The following TSPEAR variants were observed in gnomAD, a reference collection of about 807,000 sequenced individuals.
The protein encoded by TSPEAR is thrombospondin type laminin G domain and EAR repeats.
Under a neutral mutation model 71.6 loss-of-function variants are expected in TSPEAR, and 69 were observed. The observed-to-expected ratio is 0.96, with a 90% CI of 0.79 to 1.18. TSPEAR has a LOEUF of 1.18. Ranked by LOEUF, TSPEAR falls within the 50% of genes most tolerant of loss-of-function variation. The pLI is 0.00. For synonymous variants in TSPEAR, 402 were observed against 387.2 expected (o/e 1.04, Z -0.45); for missense variants, 971 against 894.9 (o/e 1.09, Z -1.09).
chr21:44,540,030 G>C (rs112631451), intron 2 of TSPEAR: 2 of 1,613,038 alleles, frequency 1.2e-6, no homozygotes. Context: ...GTCAGGCAGG[G>C]GGCCGGGGCG....
intron 1 of TSPEAR, among the ~76,000 whole-genome samples, chr21:44,672,350 C>T (rs113824578): frequency 0.17 from 26,186 of 152,136 alleles, 2,473 homozygotes; most frequent in Non-Finnish European, 0.21. Flanking sequence ...GCGGGCGGAT[C>T]ACAAGGTCAG....
chr21:44,528,942 G>A (rs1441047295), intron 5 of TSPEAR, among the ~76,000 whole-genome samples: 2 of 152,244 alleles, frequency 1.3e-5, no homozygotes, highest in African/African-American at 4.8e-5. Context: ...TGACAGTGGT[G>A]TATCTTAACG....
At chr21:44,676,817 T>G in intron 1 of TSPEAR, 1 of 944,758 alleles carries the variant, frequency 1.1e-6, no homozygotes, top group Non-Finnish European at 1.8e-6. Context: ...AATGCCCACT[T>G]TTCTTCCAGC....
rs1436170775 is a variant in TSPEAR at position 44,546,670 on chromosome 21, C to CT, written c.304-12748dup. Among the ~76,000 whole-genome samples the CT allele has an allele frequency of 1.3e-5, 2 of 152,182 alleles. No individual in the cohort carries two copies. Among genetic ancestry groups the CT allele is most frequent in the South Asian group, 4.1e-4 (2 of 4,822 alleles). On this transcript the variant is annotated intron_variant, in intron 2 of 11. Coordinates refer to ENST00000323084, the MANE Select transcript of TSPEAR (RefSeq NM_144991.3). The surrounding 1 kb of genome is among the most constrained non-coding windows in gnomAD (Gnocchi z 4.4). ...GGATAATTTTGTCAGATGCTGATGC[C>CT]TTTTTGGTTGTTGGTTTCCCCTGCC...
intron 1 of TSPEAR, chr21:44,579,746 T>C (rs371319478): frequency 1.0e-4 from 162 of 1,603,926 alleles, no homozygotes; most frequent in Non-Finnish European, 1.3e-4. Flanking sequence ...ACTGGACTCC[T>C]GGCCTGAGCA....
chr21:44,655,873 G>C (rs1351297657), intron 1 of TSPEAR, among the ~76,000 whole-genome samples: 2 of 152,176 alleles, frequency 1.3e-5, no homozygotes, highest in Admixed American at 1.3e-4. Context: ...GGGTCCTTCT[G>C]TGCCTGCTGG....
chr21:44,556,201 C>T (rs782383227), intron 2 of TSPEAR, among the ~76,000 whole-genome samples: 1 of 151,690 alleles, frequency 6.6e-6, no homozygotes, highest in Non-Finnish European at 1.5e-5. Context: ...TGTGGTGAAA[C>T]CCAGTCTCTA....
intron 1 of TSPEAR, among the ~76,000 whole-genome samples, chr21:44,631,879 G>A (rs1202549746): frequency 6.6e-6 from 1 of 152,170 alleles, no homozygotes; most frequent in Non-Finnish European, 1.5e-5. Flanking sequence ...AAAAATGATA[G>A]AGACAGAAAG....
chr21:44,627,062 G>A (rs1982839498), intron 1 of TSPEAR: 2 of 1,501,016 alleles, frequency 1.3e-6, no homozygotes, highest in Admixed American at 1.9e-5. Flanking sequence ...GGCCAGGAGG[G>A]GTATAAAAGC....
intron 10 of TSPEAR, among the ~76,000 whole-genome samples, chr21:44,507,338 GCAGT>G (rs1259623770): frequency 6.6e-6 from 1 of 152,164 alleles, no homozygotes; most frequent in Non-Finnish European, 1.5e-5. Flanking sequence ...CCATTTGAAG[GCAGT>G]CAGAGCCAAG....
chr21:44,598,354 G>T (rs1385239786), intron 1 of TSPEAR, among the ~76,000 whole-genome samples: 7 of 152,194 alleles, frequency 4.6e-5, no homozygotes, highest in Non-Finnish European at 1.0e-4. Context: ...ATCACGTTAG[G>T]AATAAAAACT....
At chr21:44,568,684 C>G (rs1359172116) in intron 1 of TSPEAR, among the ~76,000 whole-genome samples, 3 of 152,192 alleles carry the variant, frequency 2.0e-5, no homozygotes, top group Non-Finnish European at 4.4e-5. Context: ...GATCAGATCC[C>G]TGGCCCAGGC....
chr21:44,501,038 T>G (rs1298729480), intron 11 of TSPEAR, among the ~76,000 whole-genome samples: 1 of 152,272 alleles, frequency 6.6e-6, no homozygotes, highest in African/African-American at 2.4e-5. Flanking sequence ...TAACATTTAT[T>G]TTTGTGTACA....
chr21:44,605,762 A>C (rs1981265027), intron 1 of TSPEAR, among the ~76,000 whole-genome samples: 1 of 152,214 alleles, frequency 6.6e-6, no homozygotes, highest in East Asian at 1.9e-4. Flanking sequence ...CAGAAAACTA[A>C]AATTGAACCC....
intron 2 of TSPEAR, among the ~76,000 whole-genome samples, chr21:44,560,326 T>G (rs1384789477): frequency 6.6e-6 from 1 of 152,174 alleles, no homozygotes; most frequent in African/African-American, 2.4e-5. Context: ...GCACCCAGTT[T>G]CATAAAACAA....
chr21:44,674,607 C>T (rs114267469), intron 1 of TSPEAR, among the ~76,000 whole-genome samples: 1,545 of 152,146 alleles, frequency 0.01, 32 homozygotes, highest in African/African-American at 0.035. Flanking sequence ...GTCTCAGATG[C>T]TGAGAAGGCT....
chr21:44,604,223 G>C (rs587612484), intron 1 of TSPEAR, among the ~76,000 whole-genome samples: 1 of 152,314 alleles, frequency 6.6e-6, no homozygotes, highest in African/African-American at 2.4e-5. Flanking sequence ...GAGTGGGGAA[G>C]GCCTTGTGGG....
chr21:44,528,416 CTGCA>C lies in TSPEAR; in HGVS notation c.922+32_922+35del, dbSNP rs782133564. The stretch of plus-strand genomic sequence containing the variant: ...CCAGTCACACTGTGCCAGAGTGGCC[CTGCA>C]TGCCAACGCCCCGGGTGCAGGGCTG... On this transcript the variant is annotated intron_variant, in intron 6 of 11. Transcript: ENST00000323084. 58 of 1,612,498 alleles carry C rather than the reference CTGCA, an allele frequency of 3.6e-5. 1 individual carries two copies. The South Asian group carries it at 6.2e-4, about 17-fold the overall frequency.
intron 2 of TSPEAR, among the ~76,000 whole-genome samples, chr21:44,556,451 G>C (rs1209427581): frequency 3.3e-5 from 5 of 151,964 alleles, no homozygotes; most frequent in African/African-American, 7.3e-5. Context: ...CCAGCACTTT[G>C]GGAGGCCGAG....
Sources: gnomAD v4.1 joint callset for allele counts (sites outside exome capture counted in the v4.1 genomes callset) on GRCh38, gnomAD v4.1.1 for gene constraint, Gnocchi (gnomAD v3.1) non-coding constraint, MANE v1.5 for transcripts, NCBI Gene and HGNC (gene_info 2026-07-23, HGNC 2026-07-21) for gene names.